FGD3: variants seen among roughly 807,000 people sequenced by gnomAD.
The protein encoded by FGD3 is FYVE, RhoGEF and PH domain containing 3.
FGD3 carries 45 observed loss-of-function variants against 71.8 expected under a neutral mutation model. The observed-to-expected ratio is 0.63, with a 90% CI of 0.49 to 0.80. The LOEUF (loss-of-function observed/expected upper bound fraction) is 0.80. Ranked by LOEUF, FGD3 falls within the 30% of genes least tolerant of loss-of-function variation. The pLI is 0.00. For missense variants in FGD3, 844 were observed against 951.5 expected (o/e 0.89, Z 1.49); for synonymous variants, 378 against 392.8 (o/e 0.96, Z 0.44).
At position 92,969,674 on chromosome 9, in the gene FGD3, G is replaced by T. The variant is rs997512801; in HGVS notation, c.-217-5564G>T. On this transcript the variant is annotated intron_variant, in intron 1 of 17. Transcript: ENST00000375482. The surrounding 1 kb of genome is among the most constrained non-coding windows in gnomAD (Gnocchi z 4.5). ...GGTGGGTTTCTTTCAGATGGGGGGG[G>T]ACTCCCGCACGGCCTCCCGGGAAGG... Among the ~76,000 whole-genome samples, 4 of 152,116 alleles carry T rather than the reference G, an allele frequency of 2.6e-5. No homozygotes were observed. Among genetic ancestry groups the T allele is most frequent in the Non-Finnish European group, 5.9e-5 (4 of 68,014 alleles).
At chr9:92,990,340 A>G (rs1860360259) in intron 3 of FGD3, among the ~76,000 whole-genome samples, 1 of 152,182 alleles carries the variant, frequency 6.6e-6, no homozygotes, top group Non-Finnish European at 1.5e-5. Flanking sequence ...TATCAAAAAA[A>G]CAAAAAAGAT....
Position 92,947,745 on chromosome 9 carries a change from T to G in FGD3, c.-218+16T>G, listed in dbSNP as rs992595483. ...GAGGAAGGCGGTGAGTAGGTTACAT[T>G]GGAAAAGGTGGCAATTTTCGCTTGT... is the stretch of plus-strand genomic sequence containing the variant. On this transcript the variant is annotated intron_variant, in intron 1 of 17. Transcript: ENST00000375482. 3 of 152,278 alleles carry G rather than the reference T, an allele frequency of 2.0e-5. No homozygotes were observed. The highest frequency in any genetic ancestry group is 2.9e-5 in the Non-Finnish European group (2 of 68,084). The allele number at this position is 152,278 out of a possible 1,614,324, so 9.4% of individuals were successfully genotyped here.
intron 1 of FGD3, among the ~76,000 whole-genome samples, chr9:92,956,838 C>T (rs4317638): frequency 0.69 from 95,816 of 138,368 alleles, 34,260 homozygotes; most frequent in African/African-American, 0.88. Context: ...TGCTTTCTTT[C>T]TTTTTTTTTT....
intron 14 of FGD3, among the ~76,000 whole-genome samples, chr9:93,027,715 C>CT (rs1199094054): frequency 0.26 from 26,157 of 101,666 alleles, 3,948 homozygotes; most frequent in African/African-American, 0.35. Flanking sequence ...TTCTTTCTTT[C>CT]TTTTTTTTTT....
intron 6 of FGD3, among the ~76,000 whole-genome samples, chr9:93,007,509 T>C (rs1203882961): frequency 1.3e-5 from 2 of 152,152 alleles, no homozygotes; most frequent in African/African-American, 2.4e-5. Flanking sequence ...AATACAAAAA[T>C]TAGCTGGGCG....
At chr9:93,001,285 A>G (rs1032080549) in intron 3 of FGD3, among the ~76,000 whole-genome samples, 10 of 151,920 alleles carry the variant, frequency 6.6e-5, no homozygotes, top group African/African-American at 2.4e-4. Context: ...CAGCTCATAG[A>G]TCTGTGTTTC....
intron 1 of FGD3, among the ~76,000 whole-genome samples, chr9:92,948,409 T>C (rs1459669440): frequency 6.6e-6 from 1 of 152,260 alleles, no homozygotes; most frequent in Non-Finnish European, 1.5e-5. Flanking sequence ...GCCGCAAGGC[T>C]GGCCGTGTCC....
intron 1 of FGD3, among the ~76,000 whole-genome samples, chr9:92,948,172 TATC>T (rs1858890503): frequency 6.6e-6 from 1 of 151,886 alleles, no homozygotes; most frequent in South Asian, 2.1e-4. Flanking sequence ...AAAGAACACA[TATC>T]ATTGCCTGGG....
chr9:93,014,638 GTTTGTT>G (rs768491857), intron 9 of FGD3, among the ~76,000 whole-genome samples: 59 of 151,686 alleles, frequency 3.9e-4, no homozygotes, highest in Non-Finnish European at 3.2e-4. Context: ...AGTTTTTTTT[GTTTGTT>G]TTTGTTTTTG....
Position 93,035,543 on chromosome 9 carries a change from CG to C in FGD3, c.2137del (p.Ala713ProfsTer46). 1 of 1,606,416 alleles carries C rather than the reference CG, an allele frequency of 6.2e-7. No individual in the cohort carries two copies. Among genetic ancestry groups the C allele is most frequent in the Non-Finnish European group, 8.5e-7 (1 of 1,177,854 alleles). ...CATGGGGACACGGCCCAGGACAGCC[CG>C]GGGGCCCTGCAGCTTCAGGTCCCTA... ...AAHGDTAQDS[P>X]GALQLQVPMG... On this transcript the variant is annotated frameshift_variant, in exon 18 of 18. Transcript: ENST00000375482. LOFTEE classifies it low-confidence loss of function (END_TRUNC).
At chr9:92,990,313 C>T (rs1860359025) in intron 3 of FGD3, among the ~76,000 whole-genome samples, 1 of 152,068 alleles carries the variant, frequency 6.6e-6, no homozygotes, top group Admixed American at 6.6e-5. Flanking sequence ...GTGGTGCGGG[C>T]AACAAGTGAG....
intron 15 of FGD3, 96 bp downstream of exon 15, chr9:93,030,092 A>T: frequency 6.9e-7 from 1 of 1,455,198 alleles, no homozygotes; most frequent in Non-Finnish European, 9.3e-7. Context: ...CCAGCCATGC[A>T]CACCAGCCCT....
chr9:92,987,824 G>A (rs112195415), intron 3 of FGD3, among the ~76,000 whole-genome samples: 1,863 of 152,262 alleles, frequency 0.012, 25 homozygotes, highest in Middle Eastern at 0.02. Flanking sequence ...GTTCCTAGAC[G>A]GTCATATACC....
At chr9:93,034,825 G>T in intron 17 of FGD3, 144 bp downstream of exon 17, 2 of 977,236 alleles carry the variant, frequency 2.0e-6, no homozygotes, top group Admixed American at 6.0e-5. Flanking sequence ...GGCAGCGCAG[G>T]ATTCCCTCTG....
Position 92,949,221 on chromosome 9 carries a change from A to G in FGD3, c.-218+1492A>G, listed in dbSNP as rs191923578. On this transcript the variant is annotated intron_variant, in intron 1 of 17. Coordinates refer to ENST00000375482, the MANE Select transcript of FGD3 (RefSeq NM_001083536.2). ...GGGACTGGTGCCTGGAAAGGGGAGC[A>G]GTGTGGAAGGAAATCTGGCCTCATC... is the stretch of plus-strand genomic sequence containing the variant. Among the ~76,000 whole-genome samples the G allele has an allele frequency of 1.4e-3, 207 of 152,268 alleles. 2 individuals are homozygous for G. Among genetic ancestry groups the G allele is most frequent in the African/African-American group, 4.6e-3 (193 of 41,566 alleles).
At chr9:93,022,266 G>A (rs757875781) in intron 13 of FGD3, 61 bp from the exon 14 acceptor site, 42 of 1,544,104 alleles carry the variant, frequency 2.7e-5, no homozygotes, top group South Asian at 6.8e-5. Flanking sequence ...CTGTCCCCCC[G>A]CTGCACAGTG....
intron 1 of FGD3, chr9:92,963,848 A>G (rs1454545605): frequency 6.6e-6 from 1 of 152,070 alleles, no homozygotes; most frequent in Non-Finnish European, 1.5e-5. Flanking sequence ...GGGCCTCTTC[A>G]CCTTCTAACT....
At chr9:92,954,686 CT>C (rs1197552578) in intron 1 of FGD3, among the ~76,000 whole-genome samples, 1 of 152,196 alleles carries the variant, frequency 6.6e-6, no homozygotes, top group African/African-American at 2.4e-5. Context: ...AGTGACCGCA[CT>C]TTGGCCTCTC....
chr9:92,983,730 A>C (rs1307154465), intron 3 of FGD3, among the ~76,000 whole-genome samples: 1 of 152,220 alleles, frequency 6.6e-6, no homozygotes, highest in East Asian at 1.9e-4. Context: ...AACTCTAGCC[A>C]ATATGGTCAC....
Sources: gnomAD v4.1 joint callset for allele counts (sites outside exome capture counted in the v4.1 genomes callset) on GRCh38, gnomAD v4.1.1 for gene constraint, Gnocchi (gnomAD v3.1) non-coding constraint, MANE v1.5 for transcripts, NCBI Gene and HGNC (gene_info 2026-07-23, HGNC 2026-07-21) for gene names.